COBL: variants seen among roughly 807,000 people sequenced by gnomAD.
COBL encodes the protein protein cordon-bleu.
A neutral mutation model predicts 98.8 loss-of-function variants in COBL; 51 were observed. The observed-to-expected ratio is 0.52, with a 90% CI of 0.41 to 0.65. COBL has a LOEUF of 0.65. COBL is among the 30% of genes least tolerant of loss of function. The pLI is 0.00. For missense variants in COBL, 1,617 were observed against 1,617.5 expected, an observed-to-expected ratio of 1.00 and a Z score of 0.01; for synonymous variants, 634 against 651.7, an observed-to-expected ratio of 0.97 and a Z score of 0.41.
intron 5 of COBL, among the ~76,000 whole-genome samples, chr7:51,159,561 A>G (rs927460465): frequency 1.3e-5 from 2 of 152,230 alleles, no homozygotes; most frequent in Non-Finnish European, 2.9e-5. Flanking sequence ...AAGGCCAGAA[A>G]GGAAACATAG....
intron 5 of COBL, among the ~76,000 whole-genome samples, chr7:51,148,577 T>C (rs545164899): frequency 6.6e-6 from 1 of 152,300 alleles, no homozygotes; most frequent in South Asian, 2.1e-4. Flanking sequence ...CTGCCATAAA[T>C]GCCCTTGACT....
chr7:51,029,057 T>G lies in COBL; in HGVS notation c.2039A>C (p.Asn680Thr), dbSNP rs758801262. The change falls in exon 10 of 13, where the codon AAC (asparagine) becomes ACC (threonine). Residue 680 changes from asparagine to threonine, a missense_variant. Physicochemically the swap from Asn to Thr is moderately conservative, Grantham distance 65. Coordinates refer to ENST00000265136, the MANE Select transcript of COBL (RefSeq NM_015198.5). ...PVNEKDSNDK[N>T]AALAPTSWHQ... ...CCATGATGTTGGTGCCAAGGCAGCG[T>G]TTTTATCGTTGCTGTCCTTTTCATT... 1 of 1,614,158 alleles carries G rather than the reference T, an allele frequency of 6.2e-7. No homozygotes were observed. Among genetic ancestry groups the G allele is most frequent in the Non-Finnish European group, 8.5e-7 (1 of 1,180,028 alleles).
chr7:51,230,732 A>G (rs879310697), intron 1 of COBL, among the ~76,000 whole-genome samples: 3 of 152,216 alleles, frequency 2.0e-5, no homozygotes, highest in Non-Finnish European at 4.4e-5. Context: ...GGTGAAGCCC[A>G]AACTCCTCTG....
intron 1 of COBL, among the ~76,000 whole-genome samples, chr7:51,262,659 T>C (rs939095750): frequency 2.0e-5 from 3 of 152,198 alleles, no homozygotes; most frequent in Middle Eastern, 3.2e-3. Context: ...CATGGACGTC[T>C]GGGGCAAACA....
chr7:51,134,835 T>C (rs911869502), intron 6 of COBL, among the ~76,000 whole-genome samples: 5 of 152,242 alleles, frequency 3.3e-5, no homozygotes, highest in Non-Finnish European at 7.3e-5. Context: ...CATCATCTTA[T>C]CATGGATGCA....
At chr7:51,170,762 C>T (rs1004234081) in intron 5 of COBL, among the ~76,000 whole-genome samples, 11 of 151,714 alleles carry the variant, frequency 7.3e-5, no homozygotes, top group South Asian at 2.1e-4. Context: ...AGCTGGAGAG[C>T]GGAGTAGAAG....
At chr7:51,193,632 ACT>A (rs1487733554) in intron 2 of COBL, 43 bp from the exon 3 acceptor site, 1 of 1,564,748 alleles carries the variant, frequency 6.4e-7, no homozygotes. Flanking sequence ...GAATGACTGC[ACT>A]CTCTCTTTTG....
intron 5 of COBL, among the ~76,000 whole-genome samples, chr7:51,169,677 A>G (rs1787661738): frequency 6.6e-6 from 1 of 152,202 alleles, no homozygotes; most frequent in Admixed American, 6.5e-5. Flanking sequence ...GACAGAGAGT[A>G]GAAGGATGGC....
chr7:51,080,876 C>T (rs1014298917), intron 7 of COBL, among the ~76,000 whole-genome samples: 11 of 150,482 alleles, frequency 7.3e-5, no homozygotes, highest in Non-Finnish European at 4.4e-5. Flanking sequence ...GAAGGAGCAC[C>T]CAGATTTCAA....
intron 5 of COBL, among the ~76,000 whole-genome samples, chr7:51,167,063 T>C (rs1787393333): frequency 6.6e-6 from 1 of 152,138 alleles, no homozygotes; most frequent in African/African-American, 2.4e-5. Context: ...ATGCCCACTT[T>C]CACCACTGTA....
intron 6 of COBL, among the ~76,000 whole-genome samples, chr7:51,121,200 C>T (rs1797706457): frequency 6.6e-6 from 1 of 152,158 alleles, no homozygotes; most frequent in South Asian, 2.1e-4. Flanking sequence ...TGTGTTTTTT[C>T]TCATAGCAGC....
At chr7:51,285,643 A>G (rs1167089912) in intron 1 of COBL, among the ~76,000 whole-genome samples, 1 of 152,242 alleles carries the variant, frequency 6.6e-6, no homozygotes, top group African/African-American at 2.4e-5. Flanking sequence ...AAAAATGGAG[A>G]GACATATATT....
At chr7:51,024,470 C>T (rs1787298354) in intron 12 of COBL, among the ~76,000 whole-genome samples, 1 of 152,196 alleles carries the variant, frequency 6.6e-6, no homozygotes, top group African/African-American at 2.4e-5. Context: ...TCTCAGAAGC[C>T]ATCTGGCCCA....
chr7:51,128,236 ACT>A (rs1798405363), intron 6 of COBL, among the ~76,000 whole-genome samples: 1 of 152,148 alleles, frequency 6.6e-6, no homozygotes, highest in Non-Finnish European at 1.5e-5. Context: ...CTGGTCTGAG[ACT>A]CAGTTTCCAC....
intron 5 of COBL, among the ~76,000 whole-genome samples, chr7:51,142,729 G>A (rs765519589): frequency 1.3e-5 from 2 of 152,146 alleles, no homozygotes; most frequent in African/African-American, 2.4e-5. Context: ...ATGATTGAAG[G>A]TGAGCTATCA....
chr7:51,311,042 G>A (rs1235283561), intron 1 of COBL, among the ~76,000 whole-genome samples: 1 of 152,084 alleles, frequency 6.6e-6, no homozygotes, highest in Non-Finnish European at 1.5e-5. Context: ...ATCACTTGGT[G>A]TGGTGCAGGT....
chr7:51,096,625 T>C (rs1795295510), intron 6 of COBL, among the ~76,000 whole-genome samples: 1 of 151,844 alleles, frequency 6.6e-6, no homozygotes, highest in African/African-American at 2.4e-5. Flanking sequence ...AAGTAAAAAA[T>C]GAGAGAAGAC....
chr7:51,047,531 G>T (rs1054941804), intron 7 of COBL, among the ~76,000 whole-genome samples: 3 of 152,154 alleles, frequency 2.0e-5, no homozygotes, highest in South Asian at 2.1e-4. Flanking sequence ...AAGTAATTTT[G>T]GAATGGATTC....
chr7:51,158,959 G>A (rs528448796), intron 5 of COBL, among the ~76,000 whole-genome samples: 99 of 152,192 alleles, frequency 6.5e-4, no homozygotes, highest in African/African-American at 2.2e-3. Flanking sequence ...GCAGGGAGGC[G>A]AGCTGAGAAA....
Sources: gnomAD v4.1 joint callset for allele counts (sites outside exome capture counted in the v4.1 genomes callset) on GRCh38, gnomAD v4.1.1 for gene constraint, MANE v1.5 for transcripts, NCBI Gene and HGNC (gene_info 2026-07-23, HGNC 2026-07-21) for gene names.